The following CDH13 variants were observed in gnomAD, a reference collection of about 807,000 sequenced individuals.
CDH13 encodes the protein cadherin-13.
A neutral mutation model predicts 63.8 loss-of-function variants in CDH13; 24 were observed. That is an observed-to-expected ratio of 0.38 (90% confidence interval 0.27 to 0.53). The LOEUF (loss-of-function observed/expected upper bound fraction) is 0.53. CDH13 is among the 20% of genes least tolerant of loss of function. The probability of loss-of-function intolerance (pLI) is 0.85; values close to 1 mark genes in which losing one functional copy is unlikely to be tolerated. For synonymous variants in CDH13, 503 were observed against 355.3 expected (o/e 1.42, Z -4.67); for missense variants, 1,049 against 903.1 (o/e 1.16, Z -2.07).
At chr16:83,115,378 G>T (rs910864737) in intron 3 of CDH13, among the ~76,000 whole-genome samples, 1 of 152,174 alleles carries the variant, frequency 6.6e-6, no homozygotes, top group African/African-American at 2.4e-5. Context: ...TATTTTCTAT[G>T]GCAGACTTGG....
chr16:82,868,336 C>T (rs2040224067), intron 2 of CDH13, among the ~76,000 whole-genome samples: 1 of 152,154 alleles, frequency 6.6e-6, no homozygotes. Flanking sequence ...TCCCTTCCCT[C>T]CTACCAATCC....
intron 4 of CDH13, among the ~76,000 whole-genome samples, chr16:83,150,310 G>A (rs1447154576): frequency 6.6e-6 from 1 of 152,098 alleles, no homozygotes; most frequent in Non-Finnish European, 1.5e-5. Flanking sequence ...CTCTCTCTCT[G>A]TCTCATGTCT....
intron 4 of CDH13, among the ~76,000 whole-genome samples, chr16:83,215,751 G>A (rs2039482148): frequency 6.6e-6 from 1 of 152,094 alleles, no homozygotes; most frequent in Non-Finnish European, 1.5e-5. Flanking sequence ...GTGTCAACAG[G>A]TGCCTGTTCG....
intron 5 of CDH13, among the ~76,000 whole-genome samples, chr16:83,308,800 C>T (rs2089936797): frequency 6.6e-6 from 1 of 152,174 alleles, no homozygotes; most frequent in Non-Finnish European, 1.5e-5. Flanking sequence ...AACATATGCC[C>T]AAGAGGGAGC....
intron 7 of CDH13, among the ~76,000 whole-genome samples, chr16:83,572,372 C>T (rs368333489): frequency 1.3e-5 from 2 of 152,132 alleles, no homozygotes; most frequent in Non-Finnish European, 2.9e-5. Flanking sequence ...AACTCCTGAC[C>T]TCAGGTGATC....
At chr16:83,555,078 C>G (rs541416491) in intron 7 of CDH13, among the ~76,000 whole-genome samples, 18 of 152,278 alleles carry the variant, frequency 1.2e-4, no homozygotes, top group African/African-American at 4.1e-4. Context: ...TACCAGCTTG[C>G]AGCCCCTCAC....
chr16:83,110,218 C>G (rs2034991733), intron 3 of CDH13, among the ~76,000 whole-genome samples: 1 of 152,210 alleles, frequency 6.6e-6, no homozygotes, highest in African/African-American at 2.4e-5. Flanking sequence ...CAGAAACTTG[C>G]AGATCTCACG....
intron 6 of CDH13, among the ~76,000 whole-genome samples, chr16:83,371,323 C>G (rs1238499437): frequency 6.6e-6 from 1 of 152,182 alleles, no homozygotes; most frequent in Non-Finnish European, 1.5e-5. Context: ...TCCATCATTT[C>G]TTTTGCATTA....
chr16:83,336,974 C>G (rs552907261), intron 5 of CDH13, among the ~76,000 whole-genome samples: 5 of 152,254 alleles, frequency 3.3e-5, no homozygotes, highest in East Asian at 1.9e-4. Context: ...TTTTGTCGGA[C>G]TAAATTGTGT....
chr16:83,705,344 C>T (rs550574958), intron 10 of CDH13, among the ~76,000 whole-genome samples: 16 of 152,134 alleles, frequency 1.1e-4, no homozygotes, highest in African/African-American at 2.2e-4. Context: ...AAAAGAAGCC[C>T]GGGCCCGGTG....
chr16:83,336,231 G>A (rs2090593263), intron 5 of CDH13, among the ~76,000 whole-genome samples: 1 of 149,766 alleles, frequency 6.7e-6, no homozygotes. Flanking sequence ...AACCTGGGAG[G>A]CAGAGATTGC....
chr16:82,667,410 C>A (rs1463482304), intron 1 of CDH13, among the ~76,000 whole-genome samples: 1 of 152,194 alleles, frequency 6.6e-6, no homozygotes, highest in East Asian at 1.9e-4. Flanking sequence ...AGAAGCCTGC[C>A]TCACCAGGAT....
chr16:83,337,445 C>G (rs898353743), intron 5 of CDH13, among the ~76,000 whole-genome samples: 3 of 152,052 alleles, frequency 2.0e-5, no homozygotes, highest in African/African-American at 4.8e-5. Context: ...GGGCTAACAA[C>G]CTAGTGCCCA....
chr16:83,079,150 A>T (rs899030048), intron 3 of CDH13, among the ~76,000 whole-genome samples: 2 of 152,136 alleles, frequency 1.3e-5, no homozygotes, highest in African/African-American at 2.4e-5. Context: ...GTTGTTTATT[A>T]TATGTGGCCA....
At chr16:83,352,913 G>A (rs1005307188) in intron 6 of CDH13, among the ~76,000 whole-genome samples, 1 of 152,096 alleles carries the variant, frequency 6.6e-6, no homozygotes, top group Non-Finnish European at 1.5e-5. Flanking sequence ...AATAAATAAA[G>A]TATAAAATCA....
chr16:83,250,885 C>G (rs1007170119), intron 5 of CDH13, among the ~76,000 whole-genome samples: 1 of 152,046 alleles, frequency 6.6e-6, no homozygotes, highest in East Asian at 1.9e-4. Context: ...TGTTGCAAAA[C>G]CAGTGACACT....
chr16:83,124,546 A>G (rs1417834611), intron 3 of CDH13, among the ~76,000 whole-genome samples: 1 of 133,536 alleles, frequency 7.5e-6, no homozygotes, highest in South Asian at 2.3e-4. Context: ...TTTTTTGGTC[A>G]TGTTTGCTTT....
intron 6 of CDH13, among the ~76,000 whole-genome samples, chr16:83,375,567 G>T (rs1035567): frequency 3.9e-5 from 6 of 152,136 alleles, no homozygotes; most frequent in Non-Finnish European, 8.8e-5. Flanking sequence ...GTAAAAACAG[G>T]CTTGTATGTT....
intron 1 of CDH13, among the ~76,000 whole-genome samples, chr16:82,681,613 A>G (rs145860904): frequency 1.3e-5 from 2 of 152,210 alleles, no homozygotes; most frequent in South Asian, 4.1e-4. Context: ...TTCTTGCTTA[A>G]CCTGGCGGGA....
Sources: gnomAD v4.1 joint callset for allele counts (sites outside exome capture counted in the v4.1 genomes callset) on GRCh38, gnomAD v4.1.1 for gene constraint, MANE v1.5 for transcripts, NCBI Gene and HGNC (gene_info 2026-07-23, HGNC 2026-07-21) for gene names.